The following CDA variants were observed in gnomAD, a reference collection of about 807,000 sequenced individuals.
CDA encodes cytidine aminohydrolase.
CDA carries 7 observed loss-of-function variants against 15.0 expected under a neutral mutation model. The ratio of observed to expected loss-of-function variants is 0.47; its 90% confidence interval spans 0.26 to 0.87. CDA has a LOEUF of 0.87. CDA is among the 40% of genes least tolerant of loss of function. CDA has a pLI of 0.15. For missense variants in CDA, 159 were observed against 182.7 expected (o/e 0.87, Z 0.75); for synonymous variants, 58 against 73.0 (o/e 0.79, Z 1.05).
chr1:20,599,811 G>A (rs2052625389), intron 1 of CDA, among the ~76,000 whole-genome samples: 1 of 152,156 alleles, frequency 6.6e-6, no homozygotes, highest in Non-Finnish European at 1.5e-5. Context: ...GCTAACAGCT[G>A]CCGACCATTT....
At chr1:20,599,612 G>A (rs573462563) in intron 1 of CDA, among the ~76,000 whole-genome samples, 5 of 21,196 alleles carry the variant, frequency 2.4e-4, no homozygotes, top group Non-Finnish European at 5.4e-4. Context: ...GCAAGACTCC[G>A]TCTCCAAAAT....
intron 2 of CDA, among the ~76,000 whole-genome samples, chr1:20,609,733 G>T (rs1190121013): frequency 6.6e-6 from 1 of 152,138 alleles, no homozygotes. Flanking sequence ...GATTTTGGTC[G>T]ACATGTCTGG....
chr1:20,617,980 C>T (rs527250425), intron 3 of CDA, among the ~76,000 whole-genome samples: 299 of 152,042 alleles, frequency 2.0e-3, no homozygotes, highest in Non-Finnish European at 3.6e-3. Flanking sequence ...TACAGGCGTG[C>T]GCCACAACAC....
Position 20,618,749 on chromosome 1 carries a change from G to A in CDA, c.*181G>A. The stretch of plus-strand genomic sequence containing the variant: ...TCCTAGCAACCTGCCTTGGGACTTA[G>A]AACACCGCCGCCCCCTGCCCCACCT... On this transcript the variant is annotated 3_prime_UTR_variant, in exon 4 of 4. Transcript: ENST00000375071. The A allele has an allele frequency of 1.7e-6, 1 of 605,954 alleles. No individual in the cohort carries two copies. Among genetic ancestry groups the A allele is most frequent in the Non-Finnish European group, 3.0e-6 (1 of 334,282 alleles). 37.5% of individuals were successfully genotyped at this position (605,954 alleles called of 1,614,324 possible).
intron 1 of CDA, among the ~76,000 whole-genome samples, chr1:20,596,177 G>A (rs2052590338): frequency 6.6e-6 from 1 of 152,090 alleles, no homozygotes; most frequent in South Asian, 2.1e-4. Context: ...CATTACATAG[G>A]CAAGCTTTAC....
rs1425719503 is a variant in CDA, at chr1:20,604,933, A to G, written c.160A>G (p.Asn54Asp). Residue 54 changes from asparagine to aspartate, a missense_variant, in exon 2 of 4, where the codon AAC (asparagine) becomes GAC (aspartate). Physicochemically the swap from Asn to Asp is conservative, Grantham distance 23. Transcript: ENST00000375071. Reference protein sequence around the residue: ...TQEGRIFKGCNIENACYPLGI... With the variant: ...TQEGRIFKGCDIENACYPLGI... ...GGACTCTGCTCTCTTCTCAGGGTGC[A>G]ACATAGAAAATGCCTGCTACCCGCT... is the stretch of plus-strand genomic sequence containing the variant. 1 of 1,609,098 alleles carries G rather than the reference A, an allele frequency of 6.2e-7. No individual in the cohort carries two copies. The highest frequency in any genetic ancestry group is 1.3e-5 in the African/African-American group (1 of 74,802).
At chr1:20,606,727 A>G (rs1004463318) in intron 2 of CDA, among the ~76,000 whole-genome samples, 7 of 152,278 alleles carry the variant, frequency 4.6e-5, no homozygotes, top group African/African-American at 7.2e-5. Flanking sequence ...AAGAGCCCCA[A>G]TCAATGCTCC....
intron 3 of CDA, among the ~76,000 whole-genome samples, chr1:20,616,384 TG>T (rs2154532925): frequency 6.6e-6 from 1 of 152,264 alleles, no homozygotes; most frequent in South Asian, 2.1e-4. Context: ...TCAAAGCATC[TG>T]GGGATGCAGA....
At chr1:20,595,306 T>C (rs1164412615) in intron 1 of CDA, among the ~76,000 whole-genome samples, 1 of 151,868 alleles carries the variant, frequency 6.6e-6, no homozygotes, top group East Asian at 1.9e-4. Context: ...CCAGCCTACC[T>C]TGGCTTAATT....
intron 1 of CDA, among the ~76,000 whole-genome samples, chr1:20,602,662 C>T (rs1478795963): frequency 7.2e-5 from 11 of 152,160 alleles, no homozygotes; most frequent in Non-Finnish European, 1.2e-4. Flanking sequence ...CCTTGTGATC[C>T]GCCCGCTTTG....
chr1:20,602,418 GTT>G lies in CDA; in HGVS notation c.155-2499_155-2498del, dbSNP rs112566518. On this transcript the variant is annotated intron_variant, in intron 1 of 3. Coordinates refer to ENST00000375071, the MANE Select transcript of CDA (RefSeq NM_001785.3). ...CACACATCATCACACCCACATCATG[GTT>G]TTTTTTTTTTCGTTGTGTTTTGAAA... Among the ~76,000 whole-genome samples, 322 of 146,684 alleles carry G rather than the reference GTT, an allele frequency of 2.2e-3. 2 individuals are homozygous for G. Among genetic ancestry groups the G allele is most frequent in the African/African-American group, 7.6e-3 (302 of 39,866 alleles).
At chr1:20,598,154 A>G (rs1368053555) in intron 1 of CDA, among the ~76,000 whole-genome samples, 2 of 152,176 alleles carry the variant, frequency 1.3e-5, no homozygotes, top group East Asian at 3.8e-4. Flanking sequence ...GGGTCTCGCT[A>G]TGTTTAATTG....
At chr1:20,615,149 C>T (rs951285915) in intron 3 of CDA, among the ~76,000 whole-genome samples, 3 of 151,960 alleles carry the variant, frequency 2.0e-5, no homozygotes, top group Admixed American at 2.0e-4. Flanking sequence ...CGTGAGCCAC[C>T]GCGCCCAGCC....
At chr1:20,597,155 TAAGAAGAGTCTGGCCGG>T (rs1478161565) in intron 1 of CDA, among the ~76,000 whole-genome samples, 4 of 152,068 alleles carry the variant, frequency 2.6e-5, no homozygotes, top group Non-Finnish European at 5.9e-5. Flanking sequence ...CCATAGAGAA[TAAGAAGAGTCTGGCCGG>T]GCGCCGTGGC....
At position 20,618,831 on chromosome 1, in the gene CDA, C is replaced by T; in HGVS notation, c.*263C>T. 6.3e-6 allele frequency: 3 copies of T among 472,882 alleles called. No individual in the cohort carries two copies. Among genetic ancestry groups the T allele is most frequent in the Non-Finnish European group, 1.2e-5 (3 of 255,332 alleles). 29.3% of individuals were successfully genotyped at this position (472,882 alleles called of 1,614,324 possible). Reference sequence around the variant, plus strand: ...GTCCAGCCTAGTCTGGACTGCTTCCCCATCAGCCTTCCCAAGGTTCTATCC... The same window carrying T: ...GTCCAGCCTAGTCTGGACTGCTTCCTCATCAGCCTTCCCAAGGTTCTATCC... On this transcript the variant is annotated 3_prime_UTR_variant, in exon 4 of 4. Coordinates refer to ENST00000375071, the MANE Select transcript of CDA (RefSeq NM_001785.3).
At chr1:20,611,118 C>A (rs1372194422) in intron 2 of CDA, among the ~76,000 whole-genome samples, 4 of 152,104 alleles carry the variant, frequency 2.6e-5, no homozygotes, top group African/African-American at 9.7e-5. Flanking sequence ...TGCGTGACTG[C>A]AGTCCCAGCT....
chr1:20,595,785 A>G (rs959875099), intron 1 of CDA, among the ~76,000 whole-genome samples: 1 of 145,988 alleles, frequency 6.8e-6, no homozygotes, highest in Non-Finnish European at 1.5e-5. Flanking sequence ...GATTGCAATG[A>G]GCCGTGAGCA....
chr1:20,591,849 G>T (rs7539042), intron 1 of CDA, among the ~76,000 whole-genome samples: 284 of 118,158 alleles, frequency 2.4e-3, no homozygotes, highest in Non-Finnish European at 3.4e-3. Context: ...GTTTTTTTTT[G>T]TTTTTTTTTT....
In CDA at chr1:20,592,815, G is replaced by C. The variant is rs1273076126; in HGVS notation, c.154+3532G>C. ...ATGGGCAGTGTTACAAATAAAGGCT[G>C]GGTGCGGTGGCTCATGCCAGTAATC... is the stretch of plus-strand genomic sequence containing the variant. On this transcript the variant is annotated intron_variant, in intron 1 of 3. Coordinates refer to ENST00000375071, the MANE Select transcript of CDA (RefSeq NM_001785.3). Among the ~76,000 whole-genome samples the C allele has an allele frequency of 2.0e-5, 3 of 152,342 alleles. No homozygotes were observed. The East Asian group carries it at 5.8e-4, about 29-fold the overall frequency.
Sources: allele counts gnomAD v4.1 joint callset (sites outside exome capture counted in the v4.1 genomes callset), GRCh38; gene constraint gnomAD v4.1.1; transcripts MANE v1.5; gene names NCBI Gene and HGNC (gene_info 2026-07-23, HGNC 2026-07-21).